OSBPL10: variants seen among roughly 807,000 people sequenced by gnomAD.
The protein encoded by OSBPL10 is oxysterol-binding protein-related protein 10.
A neutral mutation model predicts 81.7 loss-of-function variants in OSBPL10; 49 were observed. The ratio of observed to expected loss-of-function variants is 0.60; its 90% CI spans 0.48 to 0.76. OSBPL10 has a LOEUF of 0.76. OSBPL10 is among the 30% of genes least tolerant of loss of function. The pLI is 0.00. For missense variants in OSBPL10, 923 were observed against 987.8 expected, an observed-to-expected ratio of 0.93 and a Z score of 0.88; for synonymous variants, 419 against 383.6, an observed-to-expected ratio of 1.09 and a Z score of -1.08.
At chr3:31,972,497 G>GCTCTGACGGAGTGAGCACTGCAGAGA (rs200810108) in intron 1 of OSBPL10, among the ~76,000 whole-genome samples, 3,690 of 152,198 alleles carry the variant, frequency 0.024, 156 homozygotes, top group African/African-American at 0.084. Flanking sequence ...AGCCCACACA[G>GCTCTGACGGAGTGAGCACTGCAGAGA]CTCTGACGGA....
rs189421542 is a variant in OSBPL10 at position 31,804,740 on chromosome 3, G to A, written c.729+25300C>T. 2.6e-5 allele frequency among the ~76,000 whole-genome samples: 4 copies of A among 152,296 alleles called. No homozygotes were observed. The East Asian group carries it at 7.7e-4, about 29-fold the overall frequency. On this transcript the variant is annotated intron_variant, in intron 4 of 11. Coordinates refer to ENST00000396556, the MANE Select transcript of OSBPL10 (RefSeq NM_017784.5). ...AAACACGAAGTGCTGACTGCCAACAGCAATAAACAGCAGCATTCGTGATCT... is the reference window on the plus strand; with the variant it reads ...AAACACGAAGTGCTGACTGCCAACAACAATAAACAGCAGCATTCGTGATCT...
At chr3:31,838,032 TA>T (rs1216237701) in intron 3 of OSBPL10, among the ~76,000 whole-genome samples, 1 of 152,134 alleles carries the variant, frequency 6.6e-6, no homozygotes, top group Non-Finnish European at 1.5e-5. Flanking sequence ...TTCTAATACG[TA>T]AATAGAAGAA....
intron 3 of OSBPL10, among the ~76,000 whole-genome samples, chr3:31,852,556 C>T (rs1028007259): frequency 6.8e-6 from 1 of 147,166 alleles, no homozygotes; most frequent in African/African-American, 2.5e-5. Flanking sequence ...ACTCCTGTGG[C>T]ACGGAAGTTT....
At chr3:31,705,767 C>T (rs962732441) in intron 6 of OSBPL10, among the ~76,000 whole-genome samples, 9 of 152,220 alleles carry the variant, frequency 5.9e-5, no homozygotes, top group African/African-American at 1.9e-4. Flanking sequence ...CACGCCTCCC[C>T]TCTCTGAATC....
chr3:31,806,193 G>A (rs140296152), intron 4 of OSBPL10, among the ~76,000 whole-genome samples: 68 of 152,232 alleles, frequency 4.5e-4, no homozygotes, highest in African/African-American at 1.4e-3. Context: ...AGGAGGACCC[G>A]AGAGCCTACG....
intron 5 of OSBPL10, among the ~76,000 whole-genome samples, chr3:31,744,318 A>T (rs1321645882): frequency 6.6e-6 from 1 of 152,140 alleles, no homozygotes; most frequent in Admixed American, 6.6e-5. Flanking sequence ...AGGCGGATGG[A>T]TCACCTGAGG....
Position 31,664,134 on chromosome 3 carries a change from T to C in OSBPL10, c.2195A>G (p.Glu732Gly). The C allele has an allele frequency of 6.2e-7, 1 of 1,613,840 alleles. No homozygotes were observed. ...TGTGCGGAGGTTCTCGCGCTTCCGT[T>C]CCTCCACCCGTTGCTTCTCCTCCAG... is the stretch of plus-strand genomic sequence containing the variant. ...RHLEEKQRVE[E>G]RKRENLRTPW... The change falls in exon 11 of 12, where the codon GAA becomes GGA. Residue 732 changes from glutamate (E) to glycine (G), a missense_variant. This residue lies in a region of OSBPL10 where 387 missense variants were observed against 436.3 expected (regional missense o/e 0.89). Coordinates refer to ENST00000396556, the MANE Select transcript of OSBPL10 (RefSeq NM_017784.5).
chr3:31,724,367 C>T (rs552705482), intron 6 of OSBPL10, among the ~76,000 whole-genome samples: 12 of 152,068 alleles, frequency 7.9e-5, no homozygotes, highest in Non-Finnish European at 1.6e-4. Context: ...ATCACAAAGC[C>T]ACACAGGCCT....
At chr3:31,894,810 C>T (rs760098469) in intron 1 of OSBPL10, among the ~76,000 whole-genome samples, 3 of 152,328 alleles carry the variant, frequency 2.0e-5, no homozygotes, top group Admixed American at 6.5e-5. Flanking sequence ...CTCAAGAGAA[C>T]GCTAGTTTTT....
At chr3:32,024,859 T>C (rs773697299) in intron 2 of OSBPL10, among the ~76,000 whole-genome samples, 2 of 152,242 alleles carry the variant, frequency 1.3e-5, no homozygotes, top group Non-Finnish European at 2.9e-5. Context: ...TTTTGTCTCT[T>C]GCAACATTGC....
At chr3:31,666,032 T>C (rs1470373606) in intron 10 of OSBPL10, among the ~76,000 whole-genome samples, 2 of 152,248 alleles carry the variant, frequency 1.3e-5, no homozygotes, top group Middle Eastern at 3.4e-3. Flanking sequence ...GAGGAGGCTC[T>C]GAACACCATG....
At chr3:31,944,680 C>T (rs2125431486) in intron 1 of OSBPL10, among the ~76,000 whole-genome samples, 1 of 151,080 alleles carries the variant, frequency 6.6e-6, no homozygotes, top group Non-Finnish European at 1.5e-5. Flanking sequence ...GTGGCACTGA[C>T]TCATCTCCTT....
At chr3:31,726,450 G>A (rs1448813244) in intron 6 of OSBPL10, among the ~76,000 whole-genome samples, 1 of 151,962 alleles carries the variant, frequency 6.6e-6, no homozygotes, top group Non-Finnish European at 1.5e-5. Flanking sequence ...CCAAGTAGCT[G>A]GGATTGTAGG....
At chr3:31,945,136 C>G (rs550993661) in intron 1 of OSBPL10, among the ~76,000 whole-genome samples, 3 of 113,590 alleles carry the variant, frequency 2.6e-5, no homozygotes, top group African/African-American at 1.1e-4. Flanking sequence ...GGCGACAGAG[C>G]AAGACTCCGT....
intron 4 of OSBPL10, among the ~76,000 whole-genome samples, chr3:31,756,866 C>T (rs1035291663): frequency 2.0e-5 from 3 of 152,054 alleles, no homozygotes; most frequent in African/African-American, 7.2e-5. Flanking sequence ...TATTGCAGGC[C>T]GCAGGCATGA....
At chr3:31,880,628 C>A (rs1466567260) in intron 1 of OSBPL10, among the ~76,000 whole-genome samples, 2 of 152,224 alleles carry the variant, frequency 1.3e-5, no homozygotes, top group African/African-American at 2.4e-5. Context: ...CCCGCCCCTG[C>A]TGACTTTTCT....
chr3:31,755,970 C>T (rs888439609), intron 4 of OSBPL10, among the ~76,000 whole-genome samples: 1 of 152,172 alleles, frequency 6.6e-6, no homozygotes, highest in African/African-American at 2.4e-5. Context: ...AATAGTAACA[C>T]CACACTGCAC....
At chr3:32,004,446 G>A (rs905575497) in intron 2 of OSBPL10, among the ~76,000 whole-genome samples, 2 of 152,196 alleles carry the variant, frequency 1.3e-5, no homozygotes, top group African/African-American at 4.8e-5. Flanking sequence ...GAAGACAACT[G>A]TTAAGCACTA....
At chr3:31,981,271 C>T, upstream of OSBPL10, 11 of 1,298,310 alleles carry the variant, frequency 8.5e-6, no homozygotes, top group African/African-American at 1.6e-5. The surrounding 1 kb of genome is among the most constrained non-coding windows in gnomAD (Gnocchi z 4.5). Context: ...ACGCCCGGGC[C>T]GCGCGTGCCT....
Sources: allele counts gnomAD v4.1 joint callset (sites outside exome capture counted in the v4.1 genomes callset), GRCh38; gene constraint gnomAD v4.1.1; regional missense constraint gnomAD v4.1.1; non-coding constraint Gnocchi (gnomAD v3.1); transcripts MANE v1.5; gene names NCBI Gene and HGNC (gene_info 2026-07-23, HGNC 2026-07-21).